FHIT: variants seen among roughly 807,000 people sequenced by gnomAD.
FHIT encodes the protein bis(5'-adenosyl)-triphosphatase.
In FHIT, 19 loss-of-function variants were observed where a neutral mutation model predicts 17.9. The ratio of observed to expected loss-of-function variants is 1.06; its 90% CI spans 0.74 to 1.56. The LOEUF is 1.56. Ranked by LOEUF, FHIT falls within the 40% of genes most tolerant of loss-of-function variation. FHIT has a pLI of 0.00. For missense variants in FHIT, 248 were observed against 189.2 expected (o/e 1.31, Z -1.82); for synonymous variants, 81 against 69.7 (o/e 1.16, Z -0.81).
At chr3:60,831,750 A>T (rs1008178057) in intron 3 of FHIT, among the ~76,000 whole-genome samples, 1 of 152,132 alleles carries the variant, frequency 6.6e-6, no homozygotes, top group African/African-American at 2.4e-5. Context: ...AGTTTGTCCA[A>T]GACCACCCAG....
chr3:60,539,496 A>T (rs1181684167), intron 4 of FHIT, among the ~76,000 whole-genome samples: 1 of 152,216 alleles, frequency 6.6e-6, no homozygotes, highest in African/African-American at 2.4e-5. Context: ...ATGCACACAT[A>T]TGTTTATTGC....
At chr3:59,973,603 G>A (rs778005636) in intron 7 of FHIT, among the ~76,000 whole-genome samples, 1 of 152,072 alleles carries the variant, frequency 6.6e-6, no homozygotes, top group Non-Finnish European at 1.5e-5. Context: ...GCATAAAGAT[G>A]TAATTTTAAG....
intron 8 of FHIT, among the ~76,000 whole-genome samples, chr3:59,847,547 T>A (rs1196125031): frequency 6.6e-6 from 1 of 152,190 alleles, no homozygotes; most frequent in Non-Finnish European, 1.5e-5. Flanking sequence ...AGTTTAAGTA[T>A]CTGGCTAATG....
At chr3:60,203,846 G>A (rs1703031881) in intron 5 of FHIT, among the ~76,000 whole-genome samples, 1 of 152,144 alleles carries the variant, frequency 6.6e-6, no homozygotes, top group African/African-American at 2.4e-5. Flanking sequence ...GGAACAGGAA[G>A]ACAAACTTCG....
rs1373689009 is a variant in FHIT, at chr3:60,121,716, ACAC to A, written c.104-107567_104-107565del. ...AAACAAACAAACAAAACAAACACAC[ACAC>A]ACACACACACACACACACACACACA... On this transcript the variant is annotated intron_variant, in intron 5 of 9. Transcript: ENST00000492590. Among the ~76,000 whole-genome samples the A allele has an allele frequency of 1.0e-4, 9 of 89,988 alleles. No individual in the cohort carries two copies. In the East Asian group the frequency reaches 9.4e-3, roughly 94 times the overall value. The allele number at this position is 89,988 out of a possible 152,430, so 59.0% of individuals were successfully genotyped here. A position where few individuals can be genotyped will look rare whatever the true frequency, so the allele number is the denominator to read the frequency against.
intron 8 of FHIT, among the ~76,000 whole-genome samples, chr3:59,856,539 T>C (rs974015316): frequency 6.6e-6 from 1 of 152,202 alleles, no homozygotes; most frequent in African/African-American, 2.4e-5. Context: ...CACAAAGGAA[T>C]ATAGATGCAG....
intron 5 of FHIT, among the ~76,000 whole-genome samples, chr3:60,462,316 G>C (rs1183697273): frequency 6.6e-6 from 1 of 152,170 alleles, no homozygotes; most frequent in East Asian, 1.9e-4. Flanking sequence ...GAGCCACTGA[G>C]GCACAGAGTT....
At chr3:59,936,354 G>A (rs1368244696) in intron 7 of FHIT, among the ~76,000 whole-genome samples, 1 of 152,098 alleles carries the variant, frequency 6.6e-6, no homozygotes, top group Non-Finnish European at 1.5e-5. Context: ...CACAAAAAAG[G>A]ATTTGGATGC....
intron 4 of FHIT, among the ~76,000 whole-genome samples, chr3:60,733,064 T>C (rs1363582066): frequency 6.6e-6 from 1 of 152,180 alleles, no homozygotes; most frequent in Non-Finnish European, 1.5e-5. Context: ...GAAAATGTAT[T>C]TTTCATCTTT....
intron 5 of FHIT, among the ~76,000 whole-genome samples, chr3:60,274,462 G>T (rs1707026178): frequency 6.6e-6 from 1 of 152,124 alleles, no homozygotes; most frequent in Non-Finnish European, 1.5e-5. Context: ...TATATGGAAT[G>T]AATGATCCAC....
chr3:60,791,242 A>C (rs180817122), intron 4 of FHIT, among the ~76,000 whole-genome samples: 1 of 152,146 alleles, frequency 6.6e-6, no homozygotes, highest in Non-Finnish European at 1.5e-5. Flanking sequence ...ATTGGAGCCC[A>C]GTAAAGAAGG....
chr3:60,672,531 A>G (rs1291316152), intron 4 of FHIT, among the ~76,000 whole-genome samples: 2 of 152,192 alleles, frequency 1.3e-5, no homozygotes, highest in African/African-American at 4.8e-5. Flanking sequence ...GAATGTCATC[A>G]GTTAAGGTGA....
intron 5 of FHIT, among the ~76,000 whole-genome samples, chr3:60,532,922 T>C (rs1174834418): frequency 6.6e-6 from 1 of 152,072 alleles, no homozygotes. Flanking sequence ...AAGCCTCTCA[T>C]GAATGGCACA....
At chr3:60,367,519 C>T (rs773584194) in intron 5 of FHIT, among the ~76,000 whole-genome samples, 6 of 152,176 alleles carry the variant, frequency 3.9e-5, no homozygotes, top group Non-Finnish European at 5.9e-5. Flanking sequence ...CAAACTAAAC[C>T]CTCTCAGATT....
At chr3:60,307,632 T>A (rs1188186069) in intron 5 of FHIT, among the ~76,000 whole-genome samples, 1 of 152,092 alleles carries the variant, frequency 6.6e-6, no homozygotes, top group Non-Finnish European at 1.5e-5. Flanking sequence ...CAAGGGCAAA[T>A]ATTTTATGAG....
chr3:60,368,027 C>T (rs370396767), intron 5 of FHIT, among the ~76,000 whole-genome samples: 11 of 152,030 alleles, frequency 7.2e-5, no homozygotes, highest in Non-Finnish European at 1.3e-4. Flanking sequence ...GAAAATCCAA[C>T]ATTTTATCTA....
intron 7 of FHIT, among the ~76,000 whole-genome samples, chr3:59,932,738 C>T (rs892754905): frequency 6.6e-6 from 1 of 151,938 alleles, no homozygotes; most frequent in Non-Finnish European, 1.5e-5. Flanking sequence ...CTGTAATAGA[C>T]CTAAACAGGA....
At chr3:60,569,753 A>ATTT (rs1200159409) in intron 4 of FHIT, among the ~76,000 whole-genome samples, 3 of 57,244 alleles carry the variant, frequency 5.2e-5, no homozygotes, top group South Asian at 7.8e-4. Context: ...ATATATATAT[A>ATTT]TATTTTTTTT....
intron 3 of FHIT, among the ~76,000 whole-genome samples, chr3:60,971,470 A>G (rs1710005290): frequency 6.6e-6 from 1 of 151,892 alleles, no homozygotes; most frequent in South Asian, 2.1e-4. Flanking sequence ...GCATACTGTG[A>G]TTGGTTTATT....
Sources: gnomAD v4.1 joint callset for allele counts (sites outside exome capture counted in the v4.1 genomes callset) on GRCh38, gnomAD v4.1.1 for gene constraint, MANE v1.5 for transcripts, NCBI Gene and HGNC (gene_info 2026-07-23, HGNC 2026-07-21) for gene names.